Variants in ACBD5 observed in about 807,000 individuals in gnomAD.
ACBD5 encodes acyl-CoA-binding domain-containing protein 5.
ACBD5 carries 40 observed loss-of-function variants against 71.8 expected under a neutral mutation model. The observed-to-expected ratio is 0.56, with a 90% CI of 0.43 to 0.72. The LOEUF (loss-of-function observed/expected upper bound fraction) is 0.72. ACBD5 is among the 30% of genes least tolerant of loss of function. The pLI is 0.00. For missense variants in ACBD5, 559 were observed against 644.5 expected (o/e 0.87, Z 1.44); for synonymous variants, 229 against 218.6 (o/e 1.05, Z -0.42).
At position 27,196,976 on chromosome 10, in the gene ACBD5, T is replaced by A; in HGVS notation, c.*454A>T. ...TCCGTGACTAAGATATAAAGTCGAT[T>A]ACATCTCATTTGAAATTCACTCCTG... is the stretch of plus-strand genomic sequence containing the variant. On this transcript the variant is annotated 3_prime_UTR_variant, in exon 13 of 13. Transcript: ENST00000396271. 2.2e-6 allele frequency: 1 copy of A among 454,100 alleles called. No homozygotes were observed. The highest frequency in any genetic ancestry group is 4.4e-6 in the Non-Finnish European group (1 of 226,670). The allele number at this position is 454,100 out of a possible 1,614,324, so 28.1% of individuals were successfully genotyped here.
chr10:27,223,136 G>GT, intron 5 of ACBD5: 1 of 709,698 alleles, frequency 1.4e-6, no homozygotes. Flanking sequence ...TGTAAGTTCT[G>GT]TAAGTTTGTG....
chr10:27,225,910 C>T (rs1385114439), intron 4 of ACBD5, among the ~76,000 whole-genome samples: 2 of 152,002 alleles, frequency 1.3e-5, no homozygotes, highest in Non-Finnish European at 2.9e-5. Context: ...AGATCTCTTT[C>T]TTAACTTTGT....
chr10:27,242,035 C>T (rs1370475612), upstream of ACBD5: 1 of 453,862 alleles, frequency 2.2e-6, no homozygotes, highest in East Asian at 7.0e-5. Context: ...ACTCTTCCCT[C>T]TGAGCCGCGG....
In ACBD5 at chr10:27,235,137, T is replaced by G. The variant is rs764326635; in HGVS notation, c.257A>C (p.Lys86Thr). The G allele has an allele frequency of 3.7e-6, 6 of 1,614,048 alleles. No individual in the cohort carries two copies. The African/African-American group carries it at 6.7e-5, about 18-fold the overall frequency. ...ATCCCAAAATCCAGGCCTTGAAAGT[T>G]TACAGGGTCCTTCAGTTGCCTGCTT... is the stretch of plus-strand genomic sequence containing the variant. ...FYKQATEGPCKLSRPGFWDPI... is the reference protein window; with the variant it reads ...FYKQATEGPCTLSRPGFWDPI... Residue 86 changes from lysine (K) to threonine (T), a missense_variant, in exon 3 of 13, where the codon AAA (lysine) becomes ACA (threonine). By Grantham distance (78) the Lys-to-Thr change is moderately conservative. Coordinates refer to ENST00000396271, the MANE Select transcript of ACBD5 (RefSeq NM_145698.5).
chr10:27,223,206 C>T (rs765884025), intron 5 of ACBD5, 132 bp downstream of exon 5: 4 of 750,352 alleles, frequency 5.3e-6, no homozygotes, highest in South Asian at 4.4e-5. Flanking sequence ...ATGATTCCTA[C>T]CTTCTAAACA....
At chr10:27,210,246 C>T (rs947611697) in intron 9 of ACBD5, among the ~76,000 whole-genome samples, 1 of 152,134 alleles carries the variant, frequency 6.6e-6, no homozygotes, top group Non-Finnish European at 1.5e-5. Context: ...CATCCTGGAC[C>T]TCCACTGCAG....
intron 8 of ACBD5, among the ~76,000 whole-genome samples, chr10:27,213,759 G>GA (rs35912974): frequency 8.8e-5 from 12 of 135,698 alleles, no homozygotes; most frequent in African/African-American, 2.4e-4. Context: ...CTCCGCCTCA[G>GA]AAAAAAAAAA....
chr10:27,227,798 C>T (rs7898083), intron 4 of ACBD5, among the ~76,000 whole-genome samples: 5,279 of 151,952 alleles, frequency 0.035, 229 homozygotes, highest in East Asian at 0.11. Flanking sequence ...CTGCAACCTC[C>T]GCCTCCTTAA....
At position 27,205,121 on chromosome 10, in the gene ACBD5, C is replaced by T. The variant is rs148059453; in HGVS notation, c.1455+77G>A. On this transcript the variant is annotated intron_variant, in intron 11 of 12. Transcript: ENST00000396271. ...CAGCCTGGGCAACAGAGCGAGACTC[C>T]GTATCAAACAAAAACAAAAACAACA... 1.1e-4 allele frequency: 161 copies of T among 1,401,518 alleles called. 1 individual carries two copies. The African/African-American group carries it at 1.6e-3, about 14-fold the overall frequency. 86.8% of individuals were successfully genotyped at this position (1,401,518 alleles called of 1,614,324 possible). A position where few individuals can be genotyped will look rare whatever the true frequency, so the allele number is the denominator to read the frequency against.
At chr10:27,221,940 GA>G (rs988466179) in intron 5 of ACBD5, among the ~76,000 whole-genome samples, 38 of 109,916 alleles carry the variant, frequency 3.5e-4, no homozygotes, top group African/African-American at 1.3e-3. Context: ...AAAAAAAAAA[GA>G]AAAGAAGAAA....
chr10:27,232,667 C>G (rs2064049183), intron 3 of ACBD5, among the ~76,000 whole-genome samples: 1 of 151,982 alleles, frequency 6.6e-6, no homozygotes, highest in Non-Finnish European at 1.5e-5. Context: ...TTAACAGGTT[C>G]TATTAATTTA....
rs2058849198 is a variant in ACBD5 at position 27,187,694 on chromosome 10, G to A, written c.1494-4979C>T. On this transcript the variant is annotated intron_variant, in intron 13 of 13. Transcript: ENST00000676511. The stretch of plus-strand genomic sequence containing the variant: ...TTGAACCCAGGAGGTGGAGATTGCA[G>A]TGAGCTGAGATCACATCACTGCATT... Among the ~76,000 whole-genome samples, 9 of 151,266 alleles carry A rather than the reference G, an allele frequency of 5.9e-5. No homozygotes were observed. The South Asian group carries it at 1.7e-3, about 28-fold the overall frequency.
chr10:27,189,593 A>AG (rs895867634), intron 13 of ACBD5, among the ~76,000 whole-genome samples: 51 of 101,764 alleles, frequency 5.0e-4, no homozygotes, highest in Non-Finnish European at 5.6e-4. Context: ...GGACATAGGA[A>AG]GGGGAACATC....
chr10:27,239,856 C>G (rs1447064261), intron 2 of ACBD5, among the ~76,000 whole-genome samples: 1 of 152,196 alleles, frequency 6.6e-6, no homozygotes, highest in East Asian at 1.9e-4. Flanking sequence ...AAGCAATTTC[C>G]CTGTCTCAGC....
chr10:27,201,968 C>T (rs559154114), intron 12 of ACBD5, among the ~76,000 whole-genome samples: 84 of 152,260 alleles, frequency 5.5e-4, no homozygotes, highest in Non-Finnish European at 6.2e-4. Flanking sequence ...TTATTGAGCA[C>T]CTACTACATG....
In ACBD5 at chr10:27,196,900, A is replaced by G. The variant is rs1368118613; in HGVS notation, c.*530T>C. The G allele has an allele frequency of 4.4e-6, 2 of 454,160 alleles. No individual in the cohort carries two copies. The highest frequency in any genetic ancestry group is 4.0e-5 in the African/African-American group (2 of 50,144). The allele number at this position is 454,160 out of a possible 1,614,324, so 28.1% of individuals were successfully genotyped here. On this transcript the variant is annotated 3_prime_UTR_variant, in exon 13 of 13. Coordinates refer to ENST00000396271, the MANE Select transcript of ACBD5 (RefSeq NM_145698.5). ...CAAGAAAGATTATGGGCAGCCCACA[A>G]AGTGAATATGACCATTCTTCCTGTG... is the stretch of plus-strand genomic sequence containing the variant.
intron 4 of ACBD5, among the ~76,000 whole-genome samples, chr10:27,228,813 A>ATTTTTTTTTTTTT (rs2063453996): frequency 1.3e-4 from 1 of 7,620 alleles, no homozygotes; most frequent in Non-Finnish European, 5.3e-4. Flanking sequence ...ATATATATAT[A>ATTTTTTTTTTTTT]TATTTTTTTT....
At position 27,210,940 on chromosome 10, in the gene ACBD5, C is replaced by A; in HGVS notation, c.1078G>T (p.Val360Phe). 4 of 1,614,198 alleles carry A rather than the reference C, an allele frequency of 2.5e-6. No individual in the cohort carries two copies. The highest frequency in any genetic ancestry group is 3.4e-6 in the Non-Finnish European group (4 of 1,180,042). ...GNGNIGNMQV[V>F]AVEGKGEVKH... ...ACTTCACCTTTTCCTTCAACTGCAA[C>A]CACCTGCATATTCCCAATGTTGCCA... Residue 360 changes from valine to phenylalanine, a missense_variant, in exon 9 of 13, where the codon GTT becomes TTT. By Grantham distance (50) the Val-to-Phe change is conservative. Transcript: ENST00000396271.
chr10:27,200,803 C>T (rs2059844265), intron 12 of ACBD5, among the ~76,000 whole-genome samples: 1 of 152,120 alleles, frequency 6.6e-6, no homozygotes, highest in African/African-American at 2.4e-5. Context: ...ACTTTATGGA[C>T]TTGCCCTAAA....
Sources: allele counts gnomAD v4.1 joint callset (sites outside exome capture counted in the v4.1 genomes callset), GRCh38; gene constraint gnomAD v4.1.1; transcripts MANE v1.5; gene names NCBI Gene and HGNC (gene_info 2026-07-23, HGNC 2026-07-21).